Variants in AKT3 observed in about 807,000 individuals in gnomAD.
AKT3 encodes RAC-gamma serine/threonine-protein kinase.
Under a neutral mutation model 65.3 loss-of-function variants are expected in AKT3, and 15 were observed. The observed-to-expected ratio is 0.23, with a 90% CI of 0.15 to 0.35. The LOEUF is 0.35. Ranked by LOEUF, AKT3 falls within the 10% of genes least tolerant of loss-of-function variation. The pLI is 1.00. For synonymous variants in AKT3, 206 were observed against 183.8 expected (o/e 1.12, Z -0.98); for missense variants, 243 against 576.5 (o/e 0.42, Z 5.92).
chr1:243,642,287 A>G (rs1022880789), intron 5 of AKT3, among the ~76,000 whole-genome samples: 16 of 152,206 alleles, frequency 1.1e-4, no homozygotes, highest in African/African-American at 3.9e-4. Flanking sequence ...GTTATGGAAA[A>G]AGATACAGTA....
chr1:243,505,002 G>C lies in AKT3; in HGVS notation c.*247C>G, dbSNP rs2148344471. On this transcript the variant is annotated 3_prime_UTR_variant, in exon 14 of 14. Transcript: ENST00000673466. Reference sequence around the variant, plus strand: ...CTTCTTAAAGTTGCTATAATAGTAAGACAGTAGCAGCAACAGCATGAGACC... The same window carrying C: ...CTTCTTAAAGTTGCTATAATAGTAACACAGTAGCAGCAACAGCATGAGACC... The C allele has an allele frequency of 2.1e-6, 1 of 478,182 alleles. No homozygotes were observed. The highest frequency in any genetic ancestry group is 3.2e-5 in the East Asian group (1 of 30,924). The allele number at this position is 478,182 out of a possible 1,614,324, so 29.6% of individuals were successfully genotyped here.
chr1:243,718,096 CCTTTT>C (rs904150265), intron 2 of AKT3, among the ~76,000 whole-genome samples: 50 of 152,310 alleles, frequency 3.3e-4, no homozygotes, highest in Middle Eastern at 6.8e-3. Context: ...GAGGACCTTT[CCTTTT>C]CAAGTAGAGT....
intron 9 of AKT3, among the ~76,000 whole-genome samples, chr1:243,565,007 T>C (rs1486747032): frequency 2.6e-5 from 4 of 152,326 alleles, no homozygotes; most frequent in Admixed American, 1.3e-4. Flanking sequence ...TATTGTCAAA[T>C]GTCTTATAAA....
chr1:243,611,523 A>C (rs1260355375), intron 8 of AKT3, among the ~76,000 whole-genome samples: 2 of 152,118 alleles, frequency 1.3e-5, no homozygotes, highest in African/African-American at 2.4e-5. Context: ...TCTCTACAAA[A>C]AAATACAGAA....
chr1:243,506,507 C>T (rs1322895857), intron 13 of AKT3, among the ~76,000 whole-genome samples: 4 of 152,360 alleles, frequency 2.6e-5, no homozygotes, highest in African/African-American at 4.8e-5. Flanking sequence ...TCTGTCACTC[C>T]GAAGAGGAGG....
At chr1:243,510,364 C>T (rs1669941486) in intron 13 of AKT3, among the ~76,000 whole-genome samples, 2 of 152,316 alleles carry the variant, frequency 1.3e-5, no homozygotes, top group South Asian at 4.1e-4. Context: ...TCCTTCCTCT[C>T]CAACCCACTG....
intron 2 of AKT3, among the ~76,000 whole-genome samples, chr1:243,808,686 A>T (rs1468328065): frequency 6.6e-6 from 1 of 152,188 alleles, no homozygotes; most frequent in Non-Finnish European, 1.5e-5. Flanking sequence ...AAAACGCCAC[A>T]AAGATACTCC....
intron 2 of AKT3, among the ~76,000 whole-genome samples, chr1:243,798,955 A>T (rs1692216286): frequency 6.6e-6 from 1 of 152,208 alleles, no homozygotes; most frequent in South Asian, 2.1e-4. Context: ...TCGCTAAAGT[A>T]TGAGTGGAAA....
chr1:243,584,080 T>C (rs2148533541), intron 8 of AKT3, among the ~76,000 whole-genome samples: 1 of 152,048 alleles, frequency 6.6e-6, no homozygotes, highest in East Asian at 1.9e-4. Flanking sequence ...GCTAGTGAGA[T>C]TAACAAAGGA....
chr1:243,843,456 T>TA (rs1695371414), intron 1 of AKT3, 174 bp from the exon 2 acceptor site: 1 of 1,076,028 alleles, frequency 9.3e-7, no homozygotes, highest in African/African-American at 1.6e-5. Context: ...AGCACTTCCC[T>TA]AGTCTTGTGA....
At chr1:243,491,074 A>C (rs1244776348) in intron 13 of AKT3, among the ~76,000 whole-genome samples, 1 of 152,222 alleles carries the variant, frequency 6.6e-6, no homozygotes, top group Non-Finnish European at 1.5e-5. Context: ...CTTCCGTGGA[A>C]GCTGGAGCAC....
intron 8 of AKT3, among the ~76,000 whole-genome samples, chr1:243,606,783 G>A (rs902249521): frequency 1.3e-5 from 2 of 152,232 alleles, no homozygotes; most frequent in African/African-American, 4.8e-5. Flanking sequence ...GGCCTAGGAG[G>A]GAAAAACAGT....
intron 2 of AKT3, among the ~76,000 whole-genome samples, chr1:243,784,057 T>C (rs553179957): frequency 6.6e-6 from 1 of 152,078 alleles, no homozygotes; most frequent in South Asian, 2.1e-4. Flanking sequence ...CCAACAAAAA[T>C]ATAAACAAAT....
intron 6 of AKT3, among the ~76,000 whole-genome samples, chr1:243,616,307 T>TTA (rs371353575): frequency 3.0e-5 from 2 of 66,754 alleles, no homozygotes; most frequent in African/African-American, 5.9e-5. Context: ...GTGCTTTTCT[T>TTA]AAAAAAAAAA....
intron 5 of AKT3, among the ~76,000 whole-genome samples, chr1:243,645,239 A>C (rs1248513520): frequency 2.0e-5 from 3 of 152,252 alleles, no homozygotes; most frequent in African/African-American, 7.2e-5. Context: ...ATAAATGGCA[A>C]GCTTATCTCA....
intron 2 of AKT3, among the ~76,000 whole-genome samples, chr1:243,736,684 G>A (rs191937738): frequency 1.3e-5 from 2 of 152,254 alleles, no homozygotes; most frequent in Admixed American, 6.5e-5. Context: ...TAAGTTCGAA[G>A]ATAAAGAAAT....
At chr1:243,681,471 G>A (rs891599524) in intron 3 of AKT3, among the ~76,000 whole-genome samples, 2 of 152,034 alleles carry the variant, frequency 1.3e-5, no homozygotes, top group Admixed American at 1.3e-4. Context: ...TAAGCGACTG[G>A]CTCAACATTA....
intron 2 of AKT3, among the ~76,000 whole-genome samples, chr1:243,784,635 T>C (rs530044968): frequency 5.3e-4 from 80 of 152,260 alleles, no homozygotes; most frequent in African/African-American, 1.9e-3. Flanking sequence ...ATCTCCCTCA[T>C]GCCGGGTGAT....
At chr1:243,686,780 G>A (rs2147996612) in intron 3 of AKT3, among the ~76,000 whole-genome samples, 1 of 141,424 alleles carries the variant, frequency 7.1e-6, no homozygotes, top group Non-Finnish European at 1.5e-5. Context: ...CAATTCTCCT[G>A]CTTCAGCCCA....
Sources: gnomAD v4.1 joint callset for allele counts (sites outside exome capture counted in the v4.1 genomes callset) on GRCh38, gnomAD v4.1.1 for gene constraint, MANE v1.5 for transcripts, NCBI Gene and HGNC (gene_info 2026-07-23, HGNC 2026-07-21) for gene names.